Variants in ANKRD12 observed in about 807,000 individuals in gnomAD.
The protein encoded by ANKRD12 is ankyrin repeat domain 12.
A neutral mutation model predicts 183.4 loss-of-function variants in ANKRD12; 85 were observed. The observed-to-expected ratio is 0.46, with a 90% confidence interval of 0.39 to 0.56. ANKRD12 has a LOEUF of 0.56. Among genes scored for constraint, ANKRD12 ranks in the 20% least tolerant of loss-of-function variants. The pLI, the probability that ANKRD12 is intolerant of heterozygous loss-of-function variation, is 0.00. For missense variants in ANKRD12, 2,405 were observed against 2,357.1 expected (o/e 1.02, Z -0.42); for synonymous variants, 914 against 800.2 (o/e 1.14, Z -2.40).
chr18:9,259,764 T>C (rs921172506), intron 9 of ANKRD12: 1 of 152,334 alleles, frequency 6.6e-6, no homozygotes, highest in South Asian at 2.1e-4. Context: ...CATATATTAC[T>C]GCAGAGTGGA....
intron 4 of ANKRD12, among the ~76,000 whole-genome samples, chr18:9,207,940 G>A (rs796202075): frequency 5.3e-5 from 8 of 152,174 alleles, no homozygotes; most frequent in African/African-American, 1.7e-4. Flanking sequence ...AATGGGGAAC[G>A]CAGGCTGCGT....
chr18:9,140,125 A>T (rs2078266330), intron 1 of ANKRD12, among the ~76,000 whole-genome samples: 1 of 152,192 alleles, frequency 6.6e-6, no homozygotes, highest in Non-Finnish European at 1.5e-5. Context: ...CAAAAATAAT[A>T]GCCTTGTCTT....
chr18:9,270,905 C>G (rs529891230), intron 10 of ANKRD12, among the ~76,000 whole-genome samples: 3 of 152,128 alleles, frequency 2.0e-5, no homozygotes, highest in Non-Finnish European at 2.9e-5. Flanking sequence ...CTGACTGATA[C>G]GAGAACAAAC....
chr18:9,253,252 A>G (rs2038406012), intron 8 of ANKRD12, among the ~76,000 whole-genome samples: 1 of 152,116 alleles, frequency 6.6e-6, no homozygotes, highest in Non-Finnish European at 1.5e-5. Flanking sequence ...GGAATAAATA[A>G]CTATAGTTGC....
At chr18:9,265,439 A>G (rs1567994613) in intron 10 of ANKRD12, among the ~76,000 whole-genome samples, 1 of 152,152 alleles carries the variant, frequency 6.6e-6, no homozygotes, top group African/African-American at 2.4e-5. Flanking sequence ...TTCCAGAGGA[A>G]TGATCAGGCA....
rs371708083 is a variant in ANKRD12, at chr18:9,257,660, T to A, written c.4393T>A (p.Phe1465Ile). ...TAAGGTATTGAAAGAAAATGCTGAT[T>A]TTTTATCCCTGCGCCAGACTGAACT... Reference protein sequence around the residue: ...ENKVLKENADFLSLRQTELPG... With the variant: ...ENKVLKENADILSLRQTELPG... Residue 1465 changes from phenylalanine (F) to isoleucine (I), a missense_variant, in exon 9 of 13, where the codon TTT becomes ATT. Phe to Ile is a conservative substitution (Grantham distance 21). Transcript: ENST00000262126. 4 of 1,613,840 alleles carry A rather than the reference T, an allele frequency of 2.5e-6. 1 individual carries two copies. In the Admixed American group the frequency reaches 6.7e-5, roughly 27 times the overall value.
chr18:9,223,334 A>G (rs1356843454), intron 8 of ANKRD12, among the ~76,000 whole-genome samples: 1 of 151,684 alleles, frequency 6.6e-6, no homozygotes, highest in Non-Finnish European at 1.5e-5. Context: ...GCTCACTGCA[A>G]GCTCCGCCTC....
At chr18:9,159,013 ATCACTATT>A (rs2031013891) in intron 1 of ANKRD12, among the ~76,000 whole-genome samples, 1 of 152,112 alleles carries the variant, frequency 6.6e-6, no homozygotes, top group African/African-American at 2.4e-5. Flanking sequence ...CCTTTGACAT[ATCACTATT>A]ATTTATGTAT....
chr18:9,266,760 A>G (rs528478881), intron 10 of ANKRD12, among the ~76,000 whole-genome samples: 1 of 152,340 alleles, frequency 6.6e-6, no homozygotes, highest in South Asian at 2.1e-4. Flanking sequence ...AAATTCACAC[A>G]TAACAATATT....
At position 9,255,476 on chromosome 18, in the gene ANKRD12, A is replaced by G. The variant is rs868339622; in HGVS notation, c.2209A>G (p.Lys737Glu). 6 of 1,568,276 alleles carry G rather than the reference A, an allele frequency of 3.8e-6. No homozygotes were observed. The Middle Eastern group carries it at 8.6e-4, about 224-fold the overall frequency. ...EKNIKDDKST[K>E]EKHVSKERNF... ...AAACATCAAAGATGATAAATCAACCAAGGAAAAGCATGTGTCAAAAGAGAG... is the reference window on the plus strand; with the variant it reads ...AAACATCAAAGATGATAAATCAACCGAGGAAAAGCATGTGTCAAAAGAGAG... The change falls in exon 9 of 13, where the codon AAG becomes GAG. Residue 737 changes from lysine (K) to glutamate (E), a missense_variant. This residue lies in a region of ANKRD12 where 1,983 missense variants were observed against 1,725.9 expected (regional missense o/e 1.15). Transcript: ENST00000262126.
intron 8 of ANKRD12, among the ~76,000 whole-genome samples, chr18:9,252,701 G>A (rs993708240): frequency 4.0e-5 from 6 of 151,702 alleles, no homozygotes; most frequent in African/African-American, 1.4e-4. Context: ...ACAGTGGCTC[G>A]TGCCTGTATT....
At chr18:9,193,651 T>A (rs902862721) in intron 2 of ANKRD12, among the ~76,000 whole-genome samples, 9 of 152,232 alleles carry the variant, frequency 5.9e-5, no homozygotes, top group African/African-American at 1.9e-4. Flanking sequence ...ATTAATTTGT[T>A]ATGCCCCTTT....
chr18:9,223,854 AC>A (rs2036560729), intron 8 of ANKRD12, among the ~76,000 whole-genome samples: 1 of 152,234 alleles, frequency 6.6e-6, no homozygotes, highest in African/African-American at 2.4e-5. Flanking sequence ...ATTAGTACTT[AC>A]GTGACGAGAC....
At chr18:9,149,287 A>C (rs1371799708) in intron 1 of ANKRD12, among the ~76,000 whole-genome samples, 1 of 152,214 alleles carries the variant, frequency 6.6e-6, no homozygotes, top group Non-Finnish European at 1.5e-5. Context: ...TGATAGAATA[A>C]TTGCATGAGC....
At chr18:9,171,526 G>A (rs778203551) in intron 1 of ANKRD12, among the ~76,000 whole-genome samples, 3 of 152,208 alleles carry the variant, frequency 2.0e-5, no homozygotes, top group African/African-American at 4.8e-5. Flanking sequence ...AGTGTCACTC[G>A]TCTGTGTACT....
At chr18:9,218,982 A>G (rs1007685668) in intron 7 of ANKRD12, among the ~76,000 whole-genome samples, 2 of 152,122 alleles carry the variant, frequency 1.3e-5, no homozygotes, top group African/African-American at 2.4e-5. Context: ...ACATTTTAAT[A>G]CTAGCCTTAT....
At chr18:9,184,379 T>C (rs2033904163) in intron 2 of ANKRD12, among the ~76,000 whole-genome samples, 1 of 151,852 alleles carries the variant, frequency 6.6e-6, no homozygotes, top group African/African-American at 2.4e-5. Context: ...GGTAGGAATA[T>C]CTTGATATGG....
At chr18:9,217,857 A>G (rs958556323) in intron 7 of ANKRD12, among the ~76,000 whole-genome samples, 1 of 152,176 alleles carries the variant, frequency 6.6e-6, no homozygotes, top group African/African-American at 2.4e-5. Context: ...TGTCACCTAG[A>G]AATGTTCAGT....
intron 1 of ANKRD12, among the ~76,000 whole-genome samples, chr18:9,176,206 TTGAA>T (rs759232336): frequency 3.9e-5 from 6 of 152,216 alleles, no homozygotes; most frequent in Non-Finnish European, 8.8e-5. Flanking sequence ...CCTAATATCT[TTGAA>T]TGATAGAAAA....
Sources: allele counts gnomAD v4.1 joint callset (sites outside exome capture counted in the v4.1 genomes callset), GRCh38; gene constraint gnomAD v4.1.1; regional missense constraint gnomAD v4.1.1; transcripts MANE v1.5; gene names NCBI Gene and HGNC (gene_info 2026-07-23, HGNC 2026-07-21).